The following NCAM2 variants were observed in gnomAD, a reference collection of about 807,000 sequenced individuals.
NCAM2 encodes neural cell adhesion molecule 2, also known as N-CAM-2.
Under a neutral mutation model 98.1 loss-of-function variants are expected in NCAM2, and 30 were observed. The observed-to-expected ratio is 0.31, with a 90% CI of 0.23 to 0.41. The LOEUF (loss-of-function observed/expected upper bound fraction) is 0.41. NCAM2 is among the 10% of genes least tolerant of loss of function. The pLI is 1.00. For synonymous variants in NCAM2, 368 were observed against 342.4 expected (o/e 1.07, Z -0.83); for missense variants, 867 against 1,005.8 (o/e 0.86, Z 1.87).
intron 1 of NCAM2, among the ~76,000 whole-genome samples, chr21:21,031,562 G>T (rs2064683083): frequency 8.2e-6 from 1 of 122,394 alleles, no homozygotes. Flanking sequence ...TTGTCTGTTG[G>T]TGTGATCTAC....
At chr21:21,115,537 G>C (rs769903289) in intron 1 of NCAM2, among the ~76,000 whole-genome samples, 2 of 152,238 alleles carry the variant, frequency 1.3e-5, no homozygotes, top group South Asian at 2.1e-4. Flanking sequence ...TGGAAATGCA[G>C]CTTTCAAAGA....
chr21:21,036,094 T>A (rs1482969982), intron 1 of NCAM2, among the ~76,000 whole-genome samples: 1 of 152,282 alleles, frequency 6.6e-6, no homozygotes, highest in East Asian at 1.9e-4. Context: ...CCAAAGTTAG[T>A]TTGTAGTAAA....
chr21:21,419,822 C>T (rs552982822), intron 11 of NCAM2, among the ~76,000 whole-genome samples: 11 of 152,168 alleles, frequency 7.2e-5, no homozygotes, highest in East Asian at 5.8e-4. Context: ...GATAAACATA[C>T]GCGTGCATGT....
intron 6 of NCAM2, among the ~76,000 whole-genome samples, chr21:21,324,712 G>T (rs2074467994): frequency 1.3e-5 from 2 of 152,010 alleles, no homozygotes; most frequent in African/African-American, 4.8e-5. Flanking sequence ...CTGAGTCAAA[G>T]GCTGTACCCA....
intron 11 of NCAM2, among the ~76,000 whole-genome samples, chr21:21,424,767 T>G (rs1031706437): frequency 6.6e-6 from 1 of 151,920 alleles, no homozygotes; most frequent in African/African-American, 2.4e-5. Context: ...CAAGGTGGTT[T>G]ACGCCTGTAA....
rs2147796052 is a variant in NCAM2 at position 21,324,372 on chromosome 21, C to T, written c.620-11C>T. ...TCGTCTCTATTTATTCTGTATTCAT[C>T]TCTCCTTCAGTGCCGCCAGCAATCT... On this transcript the variant is annotated splice_polypyrimidine_tract_variant and intron_variant, in intron 5 of 17. Transcript: ENST00000400546. The T allele has an allele frequency of 1.9e-6, 3 of 1,599,704 alleles. No homozygotes were observed. Among genetic ancestry groups the T allele is most frequent in the Non-Finnish European group, 2.6e-6 (3 of 1,167,534 alleles).
intron 15 of NCAM2, among the ~76,000 whole-genome samples, chr21:21,495,828 A>C (rs2146320908): frequency 6.6e-6 from 1 of 151,796 alleles, no homozygotes; most frequent in East Asian, 1.9e-4. Context: ...TTTCTTTATT[A>C]TGTTTCCTTG....
intron 1 of NCAM2, among the ~76,000 whole-genome samples, chr21:21,045,690 G>GAC (rs2064995726): frequency 1.3e-5 from 2 of 152,122 alleles, no homozygotes; most frequent in Non-Finnish European, 2.9e-5. Context: ...TGGAGCACAT[G>GAC]AGTCAATGTT....
chr21:21,210,038 TAATGTGTCTTAGAGGAGGACACAGAAA>T (rs2069590213), intron 1 of NCAM2, among the ~76,000 whole-genome samples: 1 of 152,202 alleles, frequency 6.6e-6, no homozygotes. Context: ...TCATACTCCA[TAATGTGTCTTAGAGGAGGACACAGAAA>T]ATAAACAATG....
intron 1 of NCAM2, among the ~76,000 whole-genome samples, chr21:21,092,899 T>C (rs2066042467): frequency 6.6e-6 from 1 of 152,062 alleles, no homozygotes; most frequent in African/African-American, 2.4e-5. Flanking sequence ...TTATACAAAA[T>C]ATTAGAACAA....
chr21:21,418,504 G>T lies in NCAM2; in HGVS notation c.1415G>T (p.Arg472Leu). ...IAPTSDNDFG[R>L]YNCTATNHIG... ...CCTACATCTGACAATGACTTTGGAC[G>T]CTATAATTGCACAGCCACTAATCAT... The change falls in exon 11 of 18, where the codon CGC (arginine) becomes CTC (leucine). Residue 472 changes from arginine (R) to leucine (L), a missense_variant. Physicochemically the swap from Arg to Leu is moderately radical, Grantham distance 102 (BLOSUM62 -2). Transcript: ENST00000400546. 6.2e-7 allele frequency: 1 copy of T among 1,611,632 alleles called. No individual in the cohort carries two copies. The highest frequency in any genetic ancestry group is 8.5e-7 in the Non-Finnish European group (1 of 1,178,156).
intron 1 of NCAM2, among the ~76,000 whole-genome samples, chr21:21,256,439 T>A (rs146826801): frequency 6.6e-6 from 1 of 152,326 alleles, no homozygotes; most frequent in East Asian, 1.9e-4. Context: ...GCTACTCCTG[T>A]TCGTTGCCTG....
chr21:21,486,029 C>T (rs1184638649), intron 15 of NCAM2, among the ~76,000 whole-genome samples: 1 of 152,000 alleles, frequency 6.6e-6, no homozygotes. Context: ...GCCGGCTGGG[C>T]GCGGTGGCTC....
intron 15 of NCAM2, among the ~76,000 whole-genome samples, chr21:21,487,461 G>A (rs1986487013): frequency 6.6e-6 from 1 of 152,028 alleles, no homozygotes; most frequent in Non-Finnish European, 1.5e-5. Flanking sequence ...GAGCTTGTGT[G>A]TTGAGTGTAA....
chr21:21,475,999 G>T (rs1985118057), intron 14 of NCAM2, among the ~76,000 whole-genome samples: 1 of 152,094 alleles, frequency 6.6e-6, no homozygotes, highest in Non-Finnish European at 1.5e-5. Context: ...TTTGAGTACT[G>T]TCAATTTAAT....
chr21:21,396,282 A>G (rs888066915), intron 9 of NCAM2, among the ~76,000 whole-genome samples: 2 of 152,220 alleles, frequency 1.3e-5, no homozygotes, highest in African/African-American at 4.8e-5. Flanking sequence ...GATCAAGGAA[A>G]TGCCAATCAA....
intron 1 of NCAM2, among the ~76,000 whole-genome samples, chr21:21,115,849 A>G (rs967850200): frequency 2.6e-5 from 4 of 152,182 alleles, no homozygotes; most frequent in African/African-American, 9.7e-5. Context: ...TATTTAAAGA[A>G]AGAAAATCAA....
intron 1 of NCAM2, among the ~76,000 whole-genome samples, chr21:21,223,123 G>T (rs962291183): frequency 2.0e-5 from 3 of 152,028 alleles, no homozygotes; most frequent in Non-Finnish European, 4.4e-5. Flanking sequence ...TAGTCATTTA[G>T]CACTCTTAGT....
At chr21:21,096,984 C>T (rs2146471023) in intron 1 of NCAM2, among the ~76,000 whole-genome samples, 1 of 151,842 alleles carries the variant, frequency 6.6e-6, no homozygotes, top group Admixed American at 6.6e-5. Flanking sequence ...CCAGTTATTT[C>T]TTCCATAACT....
Sources: gnomAD v4.1 joint callset for allele counts (sites outside exome capture counted in the v4.1 genomes callset) on GRCh38, gnomAD v4.1.1 for gene constraint, MANE v1.5 for transcripts, NCBI Gene and HGNC (gene_info 2026-07-23, HGNC 2026-07-21) for gene names.